The following PPP1R12A variants were observed in gnomAD, a reference collection of about 807,000 sequenced individuals.
PPP1R12A encodes the protein protein phosphatase 1 regulatory subunit 12A.
Under a neutral mutation model 139.6 loss-of-function variants are expected in PPP1R12A, and 19 were observed. The ratio of observed to expected loss-of-function variants is 0.14; its 90% CI spans 0.09 to 0.20. The LOEUF is 0.20. PPP1R12A is among the 10% of genes least tolerant of loss of function. The pLI is 1.00. For missense variants in PPP1R12A, 925 were observed against 1,211.5 expected (o/e 0.76, Z 3.51); for synonymous variants, 427 against 420.6 (o/e 1.02, Z -0.19).
intron 1 of PPP1R12A, among the ~76,000 whole-genome samples, chr12:79,885,033 T>A (rs1883979916): frequency 6.6e-6 from 1 of 152,158 alleles, no homozygotes. Flanking sequence ...ACAAGTATGT[T>A]TAAACAAACA....
intron 1 of PPP1R12A, among the ~76,000 whole-genome samples, chr12:79,889,495 T>C (rs1884400134): frequency 6.6e-6 from 1 of 152,198 alleles, no homozygotes; most frequent in Non-Finnish European, 1.5e-5. Context: ...AGACACTGAC[T>C]GGGAAATAAT....
chr12:79,841,009 C>G (rs1447060613), intron 3 of PPP1R12A, among the ~76,000 whole-genome samples: 4 of 150,760 alleles, frequency 2.7e-5, no homozygotes, highest in Non-Finnish European at 5.9e-5. Flanking sequence ...TGTCTGTCTT[C>G]CAGTCCACAT....
intron 20 of PPP1R12A, among the ~76,000 whole-genome samples, chr12:79,790,140 T>A (rs1478032125): frequency 6.6e-6 from 1 of 152,126 alleles, no homozygotes; most frequent in Non-Finnish European, 1.5e-5. Context: ...CAAGAGAAGA[T>A]TCTGAATACT....
At chr12:79,782,433 A>G (rs903686333) in intron 22 of PPP1R12A, 1 of 299,152 alleles carries the variant, frequency 3.3e-6, no homozygotes, top group East Asian at 9.4e-5. Flanking sequence ...TTCTAGCTGT[A>G]CAGCTTTCTT....
intron 20 of PPP1R12A, chr12:79,789,714 A>T (rs772628588): frequency 9.0e-6 from 4 of 443,794 alleles, no homozygotes; most frequent in Non-Finnish European, 1.3e-5. Flanking sequence ...AATGGAATGG[A>T]GATCAAAATC....
intron 3 of PPP1R12A, among the ~76,000 whole-genome samples, chr12:79,842,046 G>A (rs898264480): frequency 4.7e-4 from 71 of 151,766 alleles, no homozygotes; most frequent in Middle Eastern, 6.8e-3. Context: ...TTGGCTAGAT[G>A]CGGTCGCTCA....
chr12:79,890,891 C>CACACA (rs1565800078), intron 1 of PPP1R12A, among the ~76,000 whole-genome samples: 5 of 99,600 alleles, frequency 5.0e-5, no homozygotes, highest in Admixed American at 3.8e-4. Flanking sequence ...CACACACCAC[C>CACACA]CACCCACACC....
At chr12:79,777,299 C>G (rs1869855104) in intron 24 of PPP1R12A, 1 of 978,644 alleles carries the variant, frequency 1.0e-6, no homozygotes, top group Non-Finnish European at 1.2e-6. Flanking sequence ...AAGTCTTTAA[C>G]TTAAATTCCA....
rs761850764 is a variant in PPP1R12A, at chr12:79,828,347, C to T, written c.765G>A (p.Leu255=). Residue 255 remains leucine (L), a synonymous_variant, in exon 5 of 25, where the codon CTG becomes CTA. Coordinates refer to ENST00000450142, the MANE Select transcript of PPP1R12A (RefSeq NM_002480.3). ...EEACRILVDN[L]CDMEMVNKVG... is the part of the protein sequence containing the mutation. ...CTTTGTTGACCATCTCCATATCACA[C>T]AGATTGTCCACTAAAATTCGACATG... The T allele has an allele frequency of 6.2e-7, 1 of 1,612,226 alleles. No individual in the cohort carries two copies. The highest frequency in any genetic ancestry group is 1.1e-5 in the South Asian group (1 of 90,918).
chr12:79,881,938 G>GT, intron 1 of PPP1R12A, among the ~76,000 whole-genome samples: 1 of 152,100 alleles, frequency 6.6e-6, no homozygotes, highest in Non-Finnish European at 1.5e-5. Context: ...ACAAAGCCTG[G>GT]ATGGCAGCAC....
intron 1 of PPP1R12A, among the ~76,000 whole-genome samples, chr12:79,880,430 T>C (rs1046720815): frequency 6.6e-6 from 1 of 152,128 alleles, no homozygotes; most frequent in Non-Finnish European, 1.5e-5. Flanking sequence ...TATCTGTAAG[T>C]TATAAAACAG....
chr12:79,857,966 C>T lies in PPP1R12A; in HGVS notation c.369-12546G>A, dbSNP rs74735196. ...TGTATATGGGAACGTCTACAGCTTT[C>T]AGCAAATGTATCTCATTATTAGTAT... On this transcript the variant is annotated intron_variant, in intron 2 of 24. Coordinates refer to ENST00000450142, the MANE Select transcript of PPP1R12A (RefSeq NM_002480.3). Among the ~76,000 whole-genome samples the T allele has an allele frequency of 5.1e-3, 770 of 152,260 alleles. 4 individuals carry two copies. The highest frequency in any genetic ancestry group is 0.018 in the African/African-American group (730 of 41,554).
At chr12:79,934,197 T>C (rs578095102) in intron 1 of PPP1R12A, among the ~76,000 whole-genome samples, 1 of 152,174 alleles carries the variant, frequency 6.6e-6, no homozygotes, top group African/African-American at 2.4e-5. Flanking sequence ...TTACTATTAT[T>C]ATCATCATTT....
At chr12:79,854,227 G>A (rs942619578) in intron 2 of PPP1R12A, among the ~76,000 whole-genome samples, 3 of 151,996 alleles carry the variant, frequency 2.0e-5, no homozygotes, top group African/African-American at 7.2e-5. Context: ...GTGGCGGGGG[G>A]GCAGGGGAAA....
chr12:79,902,579 A>C (rs1885747336), intron 1 of PPP1R12A, among the ~76,000 whole-genome samples: 1 of 152,114 alleles, frequency 6.6e-6, no homozygotes, highest in African/African-American at 2.4e-5. Context: ...CTTCAAAAAA[A>C]AATTTTTTTA....
At chr12:79,907,064 T>G (rs1410821872) in intron 1 of PPP1R12A, among the ~76,000 whole-genome samples, 3 of 152,168 alleles carry the variant, frequency 2.0e-5, no homozygotes, top group Non-Finnish European at 4.4e-5. Flanking sequence ...AAATACAGAT[T>G]ATAATAACTC....
At chr12:79,826,590 C>A (rs1565762135) in intron 5 of PPP1R12A, among the ~76,000 whole-genome samples, 2 of 152,022 alleles carry the variant, frequency 1.3e-5, no homozygotes, top group Non-Finnish European at 2.9e-5. Context: ...ACATAAGGAG[C>A]TGCTACTATA....
At chr12:79,930,205 G>T (rs1235628579) in intron 1 of PPP1R12A, among the ~76,000 whole-genome samples, 1 of 152,106 alleles carries the variant, frequency 6.6e-6, no homozygotes, top group Non-Finnish European at 1.5e-5. Context: ...AGGGAGAGAG[G>T]ATAAAAGGCA....
intron 1 of PPP1R12A, among the ~76,000 whole-genome samples, chr12:79,885,007 T>TC (rs1422208440): frequency 4.6e-5 from 7 of 152,192 alleles, no homozygotes; most frequent in African/African-American, 1.7e-4. Flanking sequence ...ACATTAAATT[T>TC]CATTCCTAAA....
Sources: allele counts gnomAD v4.1 joint callset (sites outside exome capture counted in the v4.1 genomes callset), GRCh38; gene constraint gnomAD v4.1.1; transcripts MANE v1.5; gene names NCBI Gene and HGNC (gene_info 2026-07-23, HGNC 2026-07-21).